Variants in FSTL4 observed in about 807,000 individuals in gnomAD.
The protein encoded by FSTL4 is follistatin-related protein 4.
A neutral mutation model predicts 78.2 loss-of-function variants in FSTL4; 28 were observed. The observed-to-expected ratio is 0.36, with a 90% CI of 0.27 to 0.49. FSTL4 has a LOEUF of 0.49. Ranked by LOEUF, FSTL4 falls within the 20% of genes least tolerant of loss-of-function variation. The probability of loss-of-function intolerance (pLI) is 0.98; values close to 1 mark genes in which losing one functional copy is unlikely to be tolerated. For missense variants in FSTL4, 922 were observed against 1,084.9 expected (o/e 0.85, Z 2.11); for synonymous variants, 422 against 440.5 (o/e 0.96, Z 0.53).
intron 3 of FSTL4, among the ~76,000 whole-genome samples, chr5:133,541,923 T>TACACACACACAC (rs1380649456): frequency 1.5e-5 from 1 of 66,940 alleles, no homozygotes; most frequent in Non-Finnish European, 3.0e-5. Flanking sequence ...TAGAGAATGT[T>TACACACACACAC]ACAGACACAC....
the FSTL4 span, among the ~76,000 whole-genome samples, chr5:133,840,028 T>G: frequency 6.6e-6 from 1 of 152,152 alleles, no homozygotes; most frequent in Non-Finnish European, 1.5e-5. Context: ...GAGAGCAAGT[T>G]GGTTTGATGA....
the FSTL4 span, among the ~76,000 whole-genome samples, chr5:133,808,334 G>C: frequency 1.3e-5 from 2 of 152,196 alleles, no homozygotes; most frequent in African/African-American, 4.8e-5. Context: ...AGTGTCCCAG[G>C]ACAGAGCAGG....
At chr5:133,653,056 A>G in the FSTL4 span, among the ~76,000 whole-genome samples, 5 of 152,344 alleles carry the variant, frequency 3.3e-5, no homozygotes, top group East Asian at 9.7e-4. Flanking sequence ...ACGCTGCATT[A>G]GGTTTTAGAC....
the FSTL4 span, among the ~76,000 whole-genome samples, chr5:133,627,741 G>A: frequency 6.6e-6 from 1 of 152,030 alleles, no homozygotes; most frequent in African/African-American, 2.4e-5. Context: ...TAATTGACAT[G>A]TCAATGCTTA....
the FSTL4 span, among the ~76,000 whole-genome samples, chr5:133,790,106 C>T: frequency 9.2e-5 from 14 of 152,160 alleles, no homozygotes; most frequent in African/African-American, 3.4e-4. Context: ...ACAAGAGCCT[C>T]CAGTTCCCAA....
At chr5:133,294,470 G>A (rs577543175) in intron 6 of FSTL4, among the ~76,000 whole-genome samples, 6 of 152,136 alleles carry the variant, frequency 3.9e-5, no homozygotes, top group Non-Finnish European at 7.4e-5. Context: ...GCCACCCACC[G>A]CCCCTCTTTG....
the FSTL4 span, among the ~76,000 whole-genome samples, chr5:133,637,306 C>T: frequency 5.7e-4 from 87 of 152,120 alleles, 1 homozygote; most frequent in Admixed American, 1.2e-3. Context: ...CATCTTGTAA[C>T]GTCATCTACG....
chr5:133,782,245 G>A, the FSTL4 span, among the ~76,000 whole-genome samples: 1 of 152,164 alleles, frequency 6.6e-6, no homozygotes, highest in Non-Finnish European at 1.5e-5. Flanking sequence ...GTATCAAATC[G>A]GCAAAGACAT....
the FSTL4 span, among the ~76,000 whole-genome samples, chr5:133,707,034 C>T: frequency 2.0e-5 from 3 of 152,170 alleles, no homozygotes; most frequent in Admixed American, 6.5e-5. Flanking sequence ...TTATCAGGGG[C>T]TAAGCATCCA....
intron 3 of FSTL4, among the ~76,000 whole-genome samples, chr5:133,498,254 T>C (rs984934163): frequency 6.6e-6 from 1 of 152,182 alleles, no homozygotes; most frequent in African/African-American, 2.4e-5. Flanking sequence ...CTCATCTCTG[T>C]CTTCAGTGAA....
chr5:133,565,979 AG>A (rs1760018445), intron 3 of FSTL4, among the ~76,000 whole-genome samples: 1 of 152,224 alleles, frequency 6.6e-6, no homozygotes. Flanking sequence ...ACTTTCCATA[AG>A]AAACCTCCTT....
chr5:133,398,353 T>A (rs977398339), intron 4 of FSTL4, among the ~76,000 whole-genome samples: 6 of 152,072 alleles, frequency 3.9e-5, no homozygotes, highest in African/African-American at 1.4e-4. Context: ...CAAGAGGCCA[T>A]CTGCAGAAAG....
intron 4 of FSTL4, among the ~76,000 whole-genome samples, chr5:133,348,192 T>C (rs1184602870): frequency 6.6e-6 from 1 of 152,258 alleles, no homozygotes; most frequent in Admixed American, 6.5e-5. Flanking sequence ...GAGACCATTT[T>C]CTGAAAATGA....
chr5:133,536,914 A>G (rs1182946023), intron 3 of FSTL4, among the ~76,000 whole-genome samples: 1 of 152,232 alleles, frequency 6.6e-6, no homozygotes, highest in African/African-American at 2.4e-5. Context: ...AATTATGAAC[A>G]GAGGTGCTAG....
intron 3 of FSTL4, among the ~76,000 whole-genome samples, chr5:133,540,652 G>A (rs1050976901): frequency 7.0e-6 from 1 of 142,908 alleles, no homozygotes; most frequent in African/African-American, 2.6e-5. Context: ...AGCCTGGTGA[G>A]TCTTGGCTCC....
intron 3 of FSTL4, among the ~76,000 whole-genome samples, chr5:133,525,815 G>A (rs930505620): frequency 3.9e-5 from 6 of 152,174 alleles, no homozygotes; most frequent in East Asian, 1.9e-4. Context: ...TGCAGGACTC[G>A]GACCAGAATC....
the FSTL4 span, among the ~76,000 whole-genome samples, chr5:133,685,498 G>A: frequency 6.6e-6 from 1 of 152,248 alleles, no homozygotes; most frequent in Non-Finnish European, 1.5e-5. Flanking sequence ...AGAATGTAGT[G>A]ATGAAACAAG....
Position 133,225,204 on chromosome 5 carries a change from C to T in FSTL4, c.1258G>A (p.Gly420Ser). 1 of 1,614,134 alleles carries T rather than the reference C, an allele frequency of 6.2e-7. No homozygotes were observed. The highest frequency in any genetic ancestry group is 8.5e-7 in the Non-Finnish European group (1 of 1,180,000). ...AGCGAGGAGATATCTTCATCCACACCCACTTCATTTTTGGCAATGCAGGTG... is the reference window on the plus strand; with the variant it reads ...AGCGAGGAGATATCTTCATCCACACTCACTTCATTTTTGGCAATGCAGGTG... ...AYTCIAKNEVGVDEDISSLFI... is the reference protein window; with the variant it reads ...AYTCIAKNEVSVDEDISSLFI... The change falls in exon 10 of 16, where the codon GGT becomes AGT. Residue 420 changes from glycine (G) to serine (S), a missense_variant. Gly to Ser is a moderately conservative substitution (Grantham distance 56, BLOSUM62 0). Transcript: ENST00000265342. This position sits in a 1 kb window ranked among gnomAD's most constrained non-coding sequence, Gnocchi z 4.6.
At chr5:133,616,325 C>CTATG (rs1265393279), upstream of FSTL4, among the ~76,000 whole-genome samples, 1 of 151,776 alleles carries the variant, frequency 6.6e-6, no homozygotes, top group Non-Finnish European at 1.5e-5. Context: ...ATCTATCTAT[C>CTATG]TATCTATCTA....
Sources: allele counts gnomAD v4.1 joint callset (sites outside exome capture counted in the v4.1 genomes callset), GRCh38; gene constraint gnomAD v4.1.1; non-coding constraint Gnocchi (gnomAD v3.1); transcripts MANE v1.5; gene names NCBI Gene and HGNC (gene_info 2026-07-23, HGNC 2026-07-21).